Variants in CACNA1E observed in about 807,000 individuals in gnomAD.
The protein encoded by CACNA1E is voltage-dependent R-type calcium channel subunit alpha-1E.
CACNA1E carries 40 observed loss-of-function variants against 259.2 expected under a neutral mutation model. The ratio of observed to expected loss-of-function variants is 0.15; its 90% CI spans 0.12 to 0.20. The LOEUF (loss-of-function observed/expected upper bound fraction) is 0.20. CACNA1E is among the 10% of genes least tolerant of loss of function. The pLI, the probability that CACNA1E is intolerant of heterozygous loss-of-function variation, is 1.00. For synonymous variants in CACNA1E, 1,104 were observed against 1,138.5 expected (o/e 0.97, Z 0.61); for missense variants, 1,874 against 3,040.1 (o/e 0.62, Z 9.02).
At chr1:181,661,340 C>T (rs922114357) in intron 7 of CACNA1E, among the ~76,000 whole-genome samples, 4 of 152,072 alleles carry the variant, frequency 2.6e-5, no homozygotes, top group East Asian at 1.9e-4. Context: ...AGAGAAGCAG[C>T]GGGGCTGAAG....
In CACNA1E at chr1:181,750,503, T is replaced by TATC. The variant is rs1378248196; in HGVS notation, c.3731+17_3731+19dup. On this transcript the variant is annotated intron_variant, in intron 26 of 47. Transcript: ENST00000367573. ...ACGCTTTGGGGTAAATATGTTCGAT[T>TATC]ATCTTTGAAGTAAACGATACAAGGA... 1 of 1,611,186 alleles carries TATC rather than the reference T, an allele frequency of 6.2e-7. No individual in the cohort carries two copies. Among genetic ancestry groups the TATC allele is most frequent in the Non-Finnish European group, 8.5e-7 (1 of 1,177,518 alleles).
chr1:181,562,020 A>G (rs1649379164), intron 3 of CACNA1E, among the ~76,000 whole-genome samples: 1 of 151,758 alleles, frequency 6.6e-6, no homozygotes, highest in Non-Finnish European at 1.5e-5. Flanking sequence ...TCATGTGCTT[A>G]TTTATTCTCC....
intron 2 of CACNA1E, among the ~76,000 whole-genome samples, chr1:181,457,765 T>C (rs937772967): frequency 6.6e-6 from 1 of 152,250 alleles, no homozygotes; most frequent in African/African-American, 2.4e-5. Flanking sequence ...GTTGAACGAA[T>C]GTCTGAGGCC....
intron 2 of CACNA1E, among the ~76,000 whole-genome samples, chr1:181,419,417 C>T (rs756679134): frequency 9.9e-5 from 15 of 152,186 alleles, no homozygotes; most frequent in Non-Finnish European, 1.6e-4. Flanking sequence ...GCTCCTCTCT[C>T]ATTTCATTTA....
chr1:181,768,264 T>A (rs1180268997), intron 35 of CACNA1E, among the ~76,000 whole-genome samples: 1 of 152,128 alleles, frequency 6.6e-6, no homozygotes, highest in South Asian at 2.1e-4. Context: ...TTAAATTCCT[T>A]GGTGTACAAG....
intron 1 of CACNA1E, among the ~76,000 whole-genome samples, chr1:181,400,095 G>GA (rs1656983645): frequency 6.6e-6 from 1 of 152,098 alleles, no homozygotes; most frequent in Admixed American, 6.5e-5. Flanking sequence ...ATATCTCAGT[G>GA]TTCCCCCCCA....
At chr1:181,390,093 T>G (rs1424305789) in intron 1 of CACNA1E, among the ~76,000 whole-genome samples, 1 of 152,168 alleles carries the variant, frequency 6.6e-6, no homozygotes, top group African/African-American at 2.4e-5. Context: ...TGCCGTGTGA[T>G]TGACTGCTGT....
At chr1:181,577,519 T>G (rs1382249586) in intron 3 of CACNA1E, among the ~76,000 whole-genome samples, 1 of 152,106 alleles carries the variant, frequency 6.6e-6, no homozygotes, top group Non-Finnish European at 1.5e-5. Flanking sequence ...GTGTTTTGCT[T>G]GGGATTTGGA....
chr1:181,364,109 C>T (rs534475575), intron 1 of CACNA1E, among the ~76,000 whole-genome samples: 2 of 152,250 alleles, frequency 1.3e-5, no homozygotes, highest in East Asian at 1.9e-4. Context: ...TTCCAGATTG[C>T]CTGGAATGTT....
chr1:181,450,856 G>T (rs1661114725), intron 2 of CACNA1E, among the ~76,000 whole-genome samples: 1 of 152,212 alleles, frequency 6.6e-6, no homozygotes, highest in Non-Finnish European at 1.5e-5. Flanking sequence ...GGTGATAAGA[G>T]CAGTAGCCTG....
chr1:181,796,254 A>G (rs139730948), intron 46 of CACNA1E, among the ~76,000 whole-genome samples: 162 of 152,242 alleles, frequency 1.1e-3, no homozygotes, highest in Non-Finnish European at 1.7e-3. Flanking sequence ...TTAGGGGCCT[A>G]TCTTTTTTCA....
intron 6 of CACNA1E, among the ~76,000 whole-genome samples, chr1:181,598,176 C>T (rs1218523539): frequency 6.6e-6 from 1 of 152,212 alleles, no homozygotes; most frequent in Non-Finnish European, 1.5e-5. Flanking sequence ...CAATTCACTT[C>T]AACTTAACGG....
At chr1:181,424,419 C>T (rs1659002724) in intron 2 of CACNA1E, among the ~76,000 whole-genome samples, 1 of 152,248 alleles carries the variant, frequency 6.6e-6, no homozygotes, top group Non-Finnish European at 1.5e-5. Flanking sequence ...GGTGACTCGC[C>T]TTTCCCTTCA....
At chr1:181,345,531 T>A (rs1477250134) in intron 1 of CACNA1E, among the ~76,000 whole-genome samples, 1 of 151,746 alleles carries the variant, frequency 6.6e-6, no homozygotes, top group Non-Finnish European at 1.5e-5. Flanking sequence ...TGGCTTTGGG[T>A]CTTTCTTGGG....
chr1:181,536,337 T>G (rs2102756735), intron 3 of CACNA1E, among the ~76,000 whole-genome samples: 1 of 152,312 alleles, frequency 6.6e-6, no homozygotes, highest in African/African-American at 2.4e-5. Flanking sequence ...TACTCTTGTG[T>G]TGATTTCTGG....
intron 2 of CACNA1E, among the ~76,000 whole-genome samples, chr1:181,464,855 C>T (rs1330693746): frequency 6.6e-6 from 1 of 152,068 alleles, no homozygotes; most frequent in African/African-American, 2.4e-5. Flanking sequence ...TACCTCTGAC[C>T]ATCCTGCCCA....
At chr1:181,367,219 A>C (rs1338801272) in intron 1 of CACNA1E, among the ~76,000 whole-genome samples, 1 of 152,210 alleles carries the variant, frequency 6.6e-6, no homozygotes, top group Non-Finnish European at 1.5e-5. Flanking sequence ...TCTTAGCAAA[A>C]TTTAGAATTT....
At chr1:181,461,005 G>A (rs1292985070) in intron 2 of CACNA1E, among the ~76,000 whole-genome samples, 1 of 152,132 alleles carries the variant, frequency 6.6e-6, no homozygotes, top group East Asian at 1.9e-4. Context: ...AAATCCTGTG[G>A]GAAGCTGAAG....
chr1:181,354,781 G>C (rs1571644523), intron 1 of CACNA1E, among the ~76,000 whole-genome samples: 1 of 152,216 alleles, frequency 6.6e-6, no homozygotes, highest in South Asian at 2.1e-4. Context: ...TGAGGGCAAG[G>C]GTGCCAAGTT....
Sources: allele counts gnomAD v4.1 joint callset (sites outside exome capture counted in the v4.1 genomes callset), GRCh38; gene constraint gnomAD v4.1.1; transcripts MANE v1.5; gene names NCBI Gene and HGNC (gene_info 2026-07-23, HGNC 2026-07-21).